The following WDPCP variants were observed in gnomAD, a reference collection of about 807,000 sequenced individuals.
The protein encoded by WDPCP is WD repeat containing planar cell polarity effector, also known as WD repeat-containing and planar cell polarity effector protein fritz homolog.
Under a neutral mutation model 93.1 loss-of-function variants are expected in WDPCP, and 71 were observed. The observed-to-expected ratio is 0.76, with a 90% CI of 0.63 to 0.93. The LOEUF (loss-of-function observed/expected upper bound fraction) is 0.93. Among genes scored for constraint, WDPCP ranks in the 40% least tolerant of loss-of-function variants. The pLI is 0.00. For synonymous variants in WDPCP, 315 were observed against 315.0 expected, an observed-to-expected ratio of 1.00 and a Z score of 0.00; for missense variants, 844 against 887.4, an observed-to-expected ratio of 0.95 and a Z score of 0.62.
At chr2:63,703,050 C>G (rs1465885483) in intron 2 of WDPCP, among the ~76,000 whole-genome samples, 1 of 151,986 alleles carries the variant, frequency 6.6e-6, no homozygotes, top group African/African-American at 2.4e-5. Flanking sequence ...AGGACATGAA[C>G]TCATCATTTT....
At chr2:63,535,751 T>C (rs1335358033) in intron 1 of WDPCP, among the ~76,000 whole-genome samples, 1 of 152,134 alleles carries the variant, frequency 6.6e-6, no homozygotes, top group Non-Finnish European at 1.5e-5. Flanking sequence ...CCTAAAACCA[T>C]AAAAGCCCTA....
chr2:63,421,369 A>C (rs1197708268), intron 9 of WDPCP, among the ~76,000 whole-genome samples: 1 of 152,190 alleles, frequency 6.6e-6, no homozygotes, highest in Non-Finnish European at 1.5e-5. Context: ...TATAACAGTC[A>C]ACACAATATA....
chr2:63,436,375 T>C (rs924559673), intron 8 of WDPCP, among the ~76,000 whole-genome samples: 18 of 152,232 alleles, frequency 1.2e-4, no homozygotes, highest in Admixed American at 3.3e-4. Context: ...ACTCATTTAT[T>C]TTATTCCACA....
chr2:63,660,372 A>T (rs1469185085), intron 2 of WDPCP, among the ~76,000 whole-genome samples: 1 of 152,178 alleles, frequency 6.6e-6, no homozygotes, highest in Non-Finnish European at 1.5e-5. Flanking sequence ...CCAGGGAAGA[A>T]CTCTGATAAG....
intron 14 of WDPCP, among the ~76,000 whole-genome samples, chr2:63,219,938 G>T (rs537367279): frequency 6.6e-6 from 1 of 151,998 alleles, no homozygotes; most frequent in Non-Finnish European, 1.5e-5. Flanking sequence ...GGAGGCAGAG[G>T]TTGCAGTAAG....
At chr2:63,233,147 T>G (rs1187621701) in intron 14 of WDPCP, 3 of 155,884 alleles carry the variant, frequency 1.9e-5, no homozygotes, top group Admixed American at 1.3e-4. Flanking sequence ...AAAAATTAAC[T>G]TCAAGGACAA....
intron 6 of WDPCP, among the ~76,000 whole-genome samples, chr2:63,456,777 G>A (rs1469863028): frequency 2.0e-5 from 3 of 152,166 alleles, no homozygotes; most frequent in Non-Finnish European, 4.4e-5. Flanking sequence ...AGCACTTTGG[G>A]AGGCTGAGGC....
At chr2:63,638,108 T>C (rs771587109) in intron 3 of WDPCP, among the ~76,000 whole-genome samples, 1 of 152,186 alleles carries the variant, frequency 6.6e-6, no homozygotes, top group African/African-American at 2.4e-5. Flanking sequence ...TGTGATCTCA[T>C]AGAAACAGAG....
intron 1 of WDPCP, among the ~76,000 whole-genome samples, chr2:63,542,417 A>C (rs1468362194): frequency 1.3e-5 from 2 of 152,212 alleles, no homozygotes; most frequent in African/African-American, 4.8e-5. Context: ...ACGATTTCTG[A>C]GGTCAGAGGT....
intron 2 of WDPCP, among the ~76,000 whole-genome samples, chr2:63,768,062 A>G (rs1670172249): frequency 6.6e-6 from 1 of 152,128 alleles, no homozygotes; most frequent in Admixed American, 6.6e-5. Context: ...TAGGTTTTAT[A>G]TTCAGGTCTA....
chr2:63,469,552 A>G (rs1357476784), intron 6 of WDPCP, among the ~76,000 whole-genome samples: 2 of 152,252 alleles, frequency 1.3e-5, no homozygotes, highest in South Asian at 4.1e-4. Flanking sequence ...TTCCAGGAAC[A>G]TGGATAGCGC....
intron 2 of WDPCP, among the ~76,000 whole-genome samples, chr2:63,750,734 TG>T (rs1669866575): frequency 6.6e-6 from 1 of 151,452 alleles, no homozygotes; most frequent in South Asian, 2.1e-4. Flanking sequence ...TCTATGGAAA[TG>T]ATCTTATGTT....
At chr2:63,329,328 T>C (rs1004686467) in intron 12 of WDPCP, among the ~76,000 whole-genome samples, 7 of 152,202 alleles carry the variant, frequency 4.6e-5, no homozygotes, top group Admixed American at 3.9e-4. Context: ...CAAAATGTGC[T>C]CCGGGTTCAT....
At chr2:63,713,031 A>G (rs972017069) in intron 2 of WDPCP, among the ~76,000 whole-genome samples, 2 of 152,150 alleles carry the variant, frequency 1.3e-5, no homozygotes, top group Non-Finnish European at 2.9e-5. Context: ...TGCCACTCAG[A>G]CTGTAACAGC....
In WDPCP at chr2:63,122,140, C is replaced by A. The variant is rs886584056; in HGVS notation, c.2191-84G>T. 2.6e-6 allele frequency: 3 copies of A among 1,144,002 alleles called. No individual in the cohort carries two copies. The African/African-American group carries it at 4.7e-5, about 18-fold the overall frequency. The allele number at this position is 1,144,002 out of a possible 1,614,324, so 70.9% of individuals were successfully genotyped here. A position where few individuals can be genotyped will look rare whatever the true frequency, so the allele number is the denominator to read the frequency against. ...TTTGTATCTTTATTATTTTTAAGTA[C>A]TGAAAAATAGTGAAACAAAATAAAA... On this transcript the variant is annotated intron_variant, in intron 17 of 17. Coordinates refer to ENST00000272321, the MANE Select transcript of WDPCP (RefSeq NM_015910.7).
chr2:63,359,372 A>G (rs1235808553), intron 12 of WDPCP, among the ~76,000 whole-genome samples: 1 of 152,230 alleles, frequency 6.6e-6, no homozygotes, highest in African/African-American at 2.4e-5. Flanking sequence ...ATGAAAAGAT[A>G]TTTCACTAGA....
chr2:63,492,785 C>T (rs1274094940), intron 2 of WDPCP, 71 bp downstream of exon 2: 3 of 1,402,062 alleles, frequency 2.1e-6, no homozygotes, highest in African/African-American at 1.4e-5. Context: ...AGGCTCTAAC[C>T]TTTGCTAGTA....
At chr2:63,674,125 A>T (rs1281958291) in intron 2 of WDPCP, among the ~76,000 whole-genome samples, 1 of 152,238 alleles carries the variant, frequency 6.6e-6, no homozygotes, top group Non-Finnish European at 1.5e-5. Flanking sequence ...CCAAGGCCAC[A>T]TTGGTCTGGG....
intron 1 of WDPCP, among the ~76,000 whole-genome samples, chr2:63,822,690 C>T (rs974600299): frequency 2.6e-5 from 4 of 151,828 alleles, no homozygotes; most frequent in South Asian, 2.1e-4. Flanking sequence ...GTTTGTGACC[C>T]GCCTGGGCAA....
Sources: gnomAD v4.1 joint callset for allele counts (sites outside exome capture counted in the v4.1 genomes callset) on GRCh38, gnomAD v4.1.1 for gene constraint, MANE v1.5 for transcripts, NCBI Gene and HGNC (gene_info 2026-07-23, HGNC 2026-07-21) for gene names.